C8orf90: variants seen among roughly 807,000 people sequenced by gnomAD.
C8orf90 encodes uncharacterized protein C8orf90.
At chr8:141,516,118 TC>T in the C8orf90 span, among the ~76,000 whole-genome samples, 1 of 152,128 alleles carries the variant, frequency 6.6e-6, no homozygotes, top group Non-Finnish European at 1.5e-5. Context: ...ATTCAGCTTC[TC>T]CCATTCCATC....
At chr8:141,516,779 C>T in the C8orf90 span, among the ~76,000 whole-genome samples, 1 of 152,204 alleles carries the variant, frequency 6.6e-6, no homozygotes, top group African/African-American at 2.4e-5. Flanking sequence ...CCACTCTTAT[C>T]CCCAGCATGG....
At chr8:141,516,175 C>T in the C8orf90 span, among the ~76,000 whole-genome samples, 81 of 152,342 alleles carry the variant, frequency 5.3e-4, no homozygotes, top group African/African-American at 1.3e-3. Context: ...CCTCTTTCTC[C>T]TGCATCATGA....
At chr8:141,514,875 G>T in the C8orf90 span, 1 of 649,078 alleles carries the variant, frequency 1.5e-6, no homozygotes, top group East Asian at 2.8e-5. Flanking sequence ...AGAAGAAGAT[G>T]CTCTGCCAAG....
chr8:141,515,813 C>T, the C8orf90 span, among the ~76,000 whole-genome samples: 1 of 152,240 alleles, frequency 6.6e-6, no homozygotes, highest in Non-Finnish European at 1.5e-5. Context: ...GAGTGAACTC[C>T]ACCTTGCTAA....
At chr8:141,514,766 G>C in the C8orf90 span, 1 of 701,122 alleles carries the variant, frequency 1.4e-6, no homozygotes, top group Non-Finnish European at 2.6e-6. Flanking sequence ...CACTCCAGGC[G>C]AGACACTTGG....
At chr8:141,514,675 G>A in the C8orf90 span, 1 of 699,798 alleles carries the variant, frequency 1.4e-6, no homozygotes, top group Non-Finnish European at 2.6e-6. Context: ...GTAAACAGAA[G>A]CCTGTCTCCC....
chr8:141,516,538 C>G, the C8orf90 span, among the ~76,000 whole-genome samples: 1 of 152,166 alleles, frequency 6.6e-6, no homozygotes, highest in African/African-American at 2.4e-5. Flanking sequence ...CCATCACTGC[C>G]CGCTCCCTCT....
chr8:141,516,864 A>T, the C8orf90 span, among the ~76,000 whole-genome samples: 1 of 152,208 alleles, frequency 6.6e-6, no homozygotes, highest in Non-Finnish European at 1.5e-5. Context: ...CTCATCTGCA[A>T]CTGCAGCAGA....
chr8:141,516,966 C>G, the C8orf90 span, among the ~76,000 whole-genome samples: 33,810 of 152,200 alleles, frequency 0.22, 4,272 homozygotes, highest in South Asian at 0.41. Flanking sequence ...CGTCTGTGCT[C>G]CTCATGGCTG....
chr8:141,517,104 C>T, the C8orf90 span, among the ~76,000 whole-genome samples: 1 of 152,198 alleles, frequency 6.6e-6, no homozygotes, highest in East Asian at 1.9e-4. Flanking sequence ...AAGTGATTGC[C>T]CAGCCCAGGG....
At chr8:141,517,579 C>T in the C8orf90 span, among the ~76,000 whole-genome samples, 18 of 152,156 alleles carry the variant, frequency 1.2e-4, no homozygotes, top group Non-Finnish European at 2.2e-4. Flanking sequence ...CTCCTGGGGC[C>T]GCACCTCCCT....
chr8:141,518,652 A>G, the C8orf90 span: 18,853 of 542,014 alleles, frequency 0.035, 2,251 homozygotes, highest in East Asian at 0.36. Flanking sequence ...CAGCGCTTCC[A>G]GCGACGGCAC....
At chr8:141,518,515 GC>G in the C8orf90 span, 1 of 564,544 alleles carries the variant, frequency 1.8e-6, no homozygotes, top group Non-Finnish European at 3.1e-6. Context: ...GCACGCCACG[GC>G]CCAGGCAGCG....
the C8orf90 span, among the ~76,000 whole-genome samples, chr8:141,517,929 C>T: frequency 6.6e-6 from 1 of 152,202 alleles, no homozygotes; most frequent in Non-Finnish European, 1.5e-5. Context: ...TCCTCGCCAT[C>T]GGGAAGGCTC....
the C8orf90 span, among the ~76,000 whole-genome samples, chr8:141,515,182 C>T: frequency 6.6e-6 from 1 of 151,286 alleles, no homozygotes; most frequent in African/African-American, 2.4e-5. Flanking sequence ...ATTCACTCAC[C>T]CATCTATCCA....
At chr8:141,517,560 C>T in the C8orf90 span, among the ~76,000 whole-genome samples, 1 of 152,144 alleles carries the variant, frequency 6.6e-6, no homozygotes, top group Admixed American at 6.5e-5. Flanking sequence ...CCTCTTCCAC[C>T]TCCGCTCCCT....
chr8:141,516,945 A>C, the C8orf90 span, among the ~76,000 whole-genome samples: 3 of 152,220 alleles, frequency 2.0e-5, no homozygotes, highest in Non-Finnish European at 4.4e-5. Context: ...TGACAGGTGG[A>C]AGGACCCCCA....
chr8:141,518,510 C>A, the C8orf90 span: 1 of 601,388 alleles, frequency 1.7e-6, no homozygotes, highest in Non-Finnish European at 2.9e-6. Flanking sequence ...CCCCTGCACG[C>A]CACGGCCCAG....
the C8orf90 span, chr8:141,518,329 G>A: frequency 8.9e-6 from 6 of 674,496 alleles, no homozygotes; most frequent in Non-Finnish European, 1.6e-5. Flanking sequence ...GGGCAAGCAG[G>A]ACGACTTCGC....
Sources: gnomAD v4.1 joint callset for allele counts (sites outside exome capture counted in the v4.1 genomes callset) on GRCh38, gnomAD v4.1.1 for gene constraint, MANE v1.5 for transcripts, NCBI Gene and HGNC (gene_info 2026-07-23, HGNC 2026-07-21) for gene names.